The following PLCL1 variants were observed in gnomAD, a reference collection of about 807,000 sequenced individuals.
PLCL1 encodes the protein phospholipase C like 1 (inactive).
In PLCL1, 41 loss-of-function variants were observed where a neutral mutation model predicts 84.4. The ratio of observed to expected loss-of-function variants is 0.49; its 90% CI spans 0.38 to 0.63. The LOEUF (loss-of-function observed/expected upper bound fraction) is 0.63. PLCL1 is among the 30% of genes least tolerant of loss of function. The pLI is 0.00. For missense variants in PLCL1, 1,206 were observed against 1,367.8 expected, an observed-to-expected ratio of 0.88 and a Z score of 1.87; for synonymous variants, 490 against 488.3, an observed-to-expected ratio of 1.00 and a Z score of -0.05.
chr2:198,093,242 A>G (rs1693095603), intron 3 of PLCL1, among the ~76,000 whole-genome samples: 1 of 152,176 alleles, frequency 6.6e-6, no homozygotes, highest in Admixed American at 6.5e-5. Context: ...CTAGTCAACA[A>G]CCTATAGAAT....
chr2:197,866,123 A>T (rs1396633516), intron 1 of PLCL1, among the ~76,000 whole-genome samples: 5 of 13,000 alleles, frequency 3.8e-4, no homozygotes, highest in Admixed American at 2.5e-3. Context: ...TATATATATA[A>T]ACTATATATA....
intron 5 of PLCL1, among the ~76,000 whole-genome samples, chr2:198,118,012 A>G (rs1022663438): frequency 6.6e-6 from 1 of 151,902 alleles, no homozygotes; most frequent in African/African-American, 2.4e-5. Context: ...TTCTTATATT[A>G]AACAACTCAC....
In PLCL1 at chr2:198,089,054, A is replaced by G. The variant is rs1202676104; in HGVS notation, c.2912A>G (p.Tyr971Cys). Residue 971 changes from tyrosine to cysteine, a missense_variant, in exon 3 of 6, where the codon TAT (tyrosine) becomes TGT (cysteine). By Grantham distance (194) the Tyr-to-Cys change is radical. Coordinates refer to ENST00000428675, the MANE Select transcript of PLCL1 (RefSeq NM_006226.4). ...GTGCAGAAAAAGATGCTGACTGCTT[A>G]TGATCTGGTAGGAAATTGCGACTCC... Reference protein sequence around the residue: ...PDVQKKMLTAYDLMIQESRFL... With the variant: ...PDVQKKMLTACDLMIQESRFL... The G allele has an allele frequency of 6.2e-7, 1 of 1,612,866 alleles. No individual in the cohort carries two copies. The highest frequency in any genetic ancestry group is 8.5e-7 in the Non-Finnish European group (1 of 1,178,880).
In PLCL1 at chr2:197,995,695, G is replaced by A. The variant is rs947129962; in HGVS notation, c.241-88063G>A. Among the ~76,000 whole-genome samples the A allele has an allele frequency of 5.3e-5, 8 of 152,242 alleles. No homozygotes were observed. The South Asian group carries it at 1.0e-3, about 20-fold the overall frequency. On this transcript the variant is annotated intron_variant, in intron 1 of 5. Transcript: ENST00000428675. The stretch of plus-strand genomic sequence containing the variant: ...GCCATGTTCATGGTGTGGTACAGTG[G>A]TACTTTTGTGGAGGCATACATTTTA...
intron 1 of PLCL1, among the ~76,000 whole-genome samples, chr2:198,054,208 C>T (rs879539423): frequency 2.0e-5 from 3 of 152,172 alleles, no homozygotes; most frequent in African/African-American, 7.2e-5. Flanking sequence ...AATATTCACA[C>T]ATTTACACAT....
chr2:197,853,116 A>G (rs1687270482), intron 1 of PLCL1, among the ~76,000 whole-genome samples: 1 of 152,198 alleles, frequency 6.6e-6, no homozygotes, highest in African/African-American at 2.4e-5. Flanking sequence ...GAATCGTACA[A>G]TATTTGTCCT....
In PLCL1 at chr2:197,805,955, A is replaced by G. The variant is rs1232042811; in HGVS notation, c.240+616A>G. 3.9e-5 allele frequency among the ~76,000 whole-genome samples: 6 copies of G among 152,222 alleles called. No individual in the cohort carries two copies. The highest frequency in any genetic ancestry group is 7.3e-5 in the Non-Finnish European group (5 of 68,032). ...ATCACTGGTCCTTGTGGTTACCACC[A>G]CATCCAGGGAAAACGCTTCCTGACC... On this transcript the variant is annotated intron_variant, in intron 1 of 5. Transcript: ENST00000428675. This position sits in a 1 kb window ranked among gnomAD's most constrained non-coding sequence, Gnocchi z 4.0.
intron 1 of PLCL1, among the ~76,000 whole-genome samples, chr2:197,965,694 C>T (rs1371429247): frequency 6.6e-6 from 1 of 152,002 alleles, no homozygotes; most frequent in Admixed American, 6.6e-5. Flanking sequence ...TATACATTTC[C>T]CTTTTAGCAC....
chr2:197,804,942 TGCCGCCGCC>T lies in PLCL1; in HGVS notation c.-142_-134del, dbSNP rs3056066. 2.3e-4 allele frequency: 167 copies of T among 733,120 alleles called. No individual in the cohort carries two copies. The highest frequency in any genetic ancestry group is 3.0e-4 in the Non-Finnish European group (145 of 488,978). 45.4% of individuals were successfully genotyped at this position (733,120 alleles called of 1,614,324 possible). ...GAGCGATGTCCCCTCTCCAGAAAGT[TGCCGCCGCC>T]GCCGCCGCCGCCGCCACTGCCGCCG... On this transcript the variant is annotated 5_prime_UTR_variant, in exon 1 of 6. Transcript: ENST00000428675.
At chr2:197,980,565 C>T (rs927449238) in intron 1 of PLCL1, among the ~76,000 whole-genome samples, 1 of 152,162 alleles carries the variant, frequency 6.6e-6, no homozygotes, top group Non-Finnish European at 1.5e-5. Context: ...TGAGTTCACT[C>T]AGCCATGTCT....
chr2:197,836,593 C>A (rs1395411291), intron 1 of PLCL1, among the ~76,000 whole-genome samples: 1 of 151,496 alleles, frequency 6.6e-6, no homozygotes, highest in East Asian at 1.9e-4. Flanking sequence ...TAAAACAGGT[C>A]TTCTGTATTC....
chr2:197,981,062 T>TTTTTGA (rs1690094817), intron 1 of PLCL1, among the ~76,000 whole-genome samples: 3 of 152,348 alleles, frequency 2.0e-5, no homozygotes, highest in Non-Finnish European at 2.9e-5. Flanking sequence ...ACCTTCTTCT[T>TTTTTGA]TTAATGTGAA....
chr2:198,047,572 A>G lies in PLCL1; in HGVS notation c.241-36186A>G, dbSNP rs1013124295. On this transcript the variant is annotated intron_variant, in intron 1 of 5. Coordinates refer to ENST00000428675, the MANE Select transcript of PLCL1 (RefSeq NM_006226.4). ...GAAGAACACAATTTTAATAGGACCT[A>G]GGTAGGGAGGCTTAGGATTAAAACA... Among the ~76,000 whole-genome samples, 7 of 152,190 alleles carry G rather than the reference A, an allele frequency of 4.6e-5. No homozygotes were observed. The South Asian group carries it at 1.4e-3, about 32-fold the overall frequency.
intron 5 of PLCL1, among the ~76,000 whole-genome samples, chr2:198,123,991 T>G (rs1693930455): frequency 6.6e-6 from 1 of 152,110 alleles, no homozygotes; most frequent in Non-Finnish European, 1.5e-5. Flanking sequence ...CTGTCTGTGG[T>G]GCTTTGTCAT....
At chr2:198,102,428 C>G (rs1412763513) in intron 4 of PLCL1, among the ~76,000 whole-genome samples, 1 of 151,964 alleles carries the variant, frequency 6.6e-6, no homozygotes, top group Non-Finnish European at 1.5e-5. Flanking sequence ...TTACTATGTG[C>G]TATGTTTGTG....
At chr2:197,998,694 C>G (rs1171983765) in intron 1 of PLCL1, among the ~76,000 whole-genome samples, 1 of 152,156 alleles carries the variant, frequency 6.6e-6, no homozygotes, top group African/African-American at 2.4e-5. Flanking sequence ...GCTCCAATGA[C>G]TTAAAATGAA....
chr2:197,828,772 T>A (rs905093623), intron 1 of PLCL1, among the ~76,000 whole-genome samples: 6 of 152,148 alleles, frequency 3.9e-5, no homozygotes, highest in African/African-American at 1.4e-4. Context: ...AGCTGTTATG[T>A]CCCCTTAGGA....
intron 1 of PLCL1, among the ~76,000 whole-genome samples, chr2:198,057,701 C>T (rs1256364729): frequency 6.6e-6 from 1 of 152,074 alleles, no homozygotes; most frequent in Non-Finnish European, 1.5e-5. Context: ...ATACTACCAC[C>T]AAAAAAGTAT....
At chr2:198,034,143 C>A (rs183133558) in intron 1 of PLCL1, among the ~76,000 whole-genome samples, 7 of 152,038 alleles carry the variant, frequency 4.6e-5, no homozygotes. Flanking sequence ...TATCCCTCCC[C>A]CTCCCCTCAC....
Sources: allele counts gnomAD v4.1 joint callset (sites outside exome capture counted in the v4.1 genomes callset), GRCh38; gene constraint gnomAD v4.1.1; non-coding constraint Gnocchi (gnomAD v3.1); transcripts MANE v1.5; gene names NCBI Gene and HGNC (gene_info 2026-07-23, HGNC 2026-07-21).